The following TRPM3 variants were observed in gnomAD, a reference collection of about 807,000 sequenced individuals.
TRPM3 encodes the protein transient receptor potential cation channel subfamily M member 3, also known as long transient receptor potential channel 3.
TRPM3 carries 77 observed loss-of-function variants against 181.2 expected under a neutral mutation model. That is an observed-to-expected ratio of 0.42 (90% confidence interval 0.35 to 0.51). The LOEUF is 0.51. Among genes scored for constraint, TRPM3 ranks in the 20% least tolerant of loss-of-function variants. The pLI is 0.01. For synonymous variants in TRPM3, 745 were observed against 796.4 expected (o/e 0.94, Z 1.09); for missense variants, 1,759 against 2,196.7 (o/e 0.80, Z 3.98).
intron 25 of TRPM3, among the ~76,000 whole-genome samples, chr9:70,548,742 T>G (rs2045708498): frequency 6.6e-6 from 1 of 152,220 alleles, no homozygotes; most frequent in Non-Finnish European, 1.5e-5. Context: ...GGAATGAAGT[T>G]TCTATTAGTC....
At chr9:71,391,639 C>T (rs773529141) in intron 1 of TRPM3, among the ~76,000 whole-genome samples, 27 of 152,002 alleles carry the variant, frequency 1.8e-4, no homozygotes, top group African/African-American at 5.1e-4. Context: ...AAATCCATTT[C>T]GGGGAGTTTT....
rs1425915377 is a variant in TRPM3, at chr9:70,532,532, C to A, written c.*3421G>T. 1 of 152,182 alleles carries A rather than the reference C, an allele frequency of 6.6e-6. No individual in the cohort carries two copies. Among genetic ancestry groups the A allele is most frequent in the Non-Finnish European group, 1.5e-5 (1 of 68,046 alleles). The allele number at this position is 152,182 out of a possible 1,614,324, so 9.4% of individuals were successfully genotyped here. ...ACTAGTCATGAAAATTGTACCCAAG[C>A]TTTCCAGCTCCTCATTCAAATCTAT... On this transcript the variant is annotated 3_prime_UTR_variant, in exon 26 of 26. Transcript: ENST00000677713.
chr9:71,412,211 C>G (rs1265559656), intron 1 of TRPM3, among the ~76,000 whole-genome samples: 1 of 152,120 alleles, frequency 6.6e-6, no homozygotes, highest in African/African-American at 2.4e-5. Context: ...GACTAAAACA[C>G]CAAAAGCAAT....
At chr9:71,313,165 G>A (rs1010826907) in intron 1 of TRPM3, among the ~76,000 whole-genome samples, 2 of 152,014 alleles carry the variant, frequency 1.3e-5, no homozygotes, top group Non-Finnish European at 2.9e-5. Flanking sequence ...GTGGCATATG[G>A]GACAATGGAA....
At chr9:70,601,191 C>G (rs2059865589) in intron 20 of TRPM3, among the ~76,000 whole-genome samples, 1 of 152,166 alleles carries the variant, frequency 6.6e-6, no homozygotes, top group Admixed American at 6.5e-5. Context: ...TCATCATAGT[C>G]ACGCCATCGA....
rs1441323893 is a variant in TRPM3 at position 71,148,212 on chromosome 9, A to C, written c.184-283701T>G. Among the ~76,000 whole-genome samples, 3 of 152,204 alleles carry C rather than the reference A, an allele frequency of 2.0e-5. No individual in the cohort carries two copies. In the South Asian group the frequency reaches 6.2e-4, roughly 32 times the overall value. ...CTCAAGAAATTTAAAAAATATTCAC[A>C]TAACAAACTTTTAAAATCAGCTAAA... On this transcript the variant is annotated intron_variant, in intron 1 of 24. Transcript: ENST00000357533.
At chr9:71,047,163 G>A (rs969939517) in intron 1 of TRPM3, among the ~76,000 whole-genome samples, 5 of 152,264 alleles carry the variant, frequency 3.3e-5, no homozygotes, top group Middle Eastern at 3.4e-3. Context: ...TTTTCCAGTA[G>A]ATGGAAAAGG....
intron 1 of TRPM3, among the ~76,000 whole-genome samples, chr9:70,881,506 A>T (rs1244153593): frequency 2.0e-5 from 3 of 152,156 alleles, no homozygotes; most frequent in Non-Finnish European, 4.4e-5. Context: ...ATTATGACTT[A>T]ACGCATTGTT....
chr9:70,776,665 A>C (rs17553311), intron 7 of TRPM3, among the ~76,000 whole-genome samples: 33,685 of 152,124 alleles, frequency 0.22, 4,513 homozygotes, highest in Non-Finnish European at 0.3. Context: ...CGTTTGGAAC[A>C]AAGTACAGCT....
intron 1 of TRPM3, among the ~76,000 whole-genome samples, chr9:71,433,225 A>G (rs925846819): frequency 1.3e-5 from 2 of 152,078 alleles, no homozygotes; most frequent in Non-Finnish European, 2.9e-5. Context: ...CCCAAATCCC[A>G]TCTTGAATTG....
intron 1 of TRPM3, among the ~76,000 whole-genome samples, chr9:71,089,292 C>T (rs2065815001): frequency 6.7e-6 from 1 of 150,234 alleles, no homozygotes; most frequent in South Asian, 2.1e-4. Context: ...ACAACTTTTG[C>T]AAAAGTGTTT....
At chr9:70,977,802 A>G (rs1419044679) in intron 1 of TRPM3, among the ~76,000 whole-genome samples, 1 of 152,206 alleles carries the variant, frequency 6.6e-6, no homozygotes, top group Non-Finnish European at 1.5e-5. Context: ...GAACAGCCAG[A>G]TGGAAGTGAT....
intron 18 of TRPM3, 137 bp from the exon 19 acceptor site, chr9:70,610,886 T>A (rs3763619): frequency 1.0e-5 from 10 of 974,118 alleles, no homozygotes; most frequent in Admixed American, 2.6e-5. Context: ...AGGTTGTACC[T>A]TCCCTAAGAG....
At chr9:70,616,455 C>T (rs1398428007) in intron 17 of TRPM3, among the ~76,000 whole-genome samples, 1 of 151,284 alleles carries the variant, frequency 6.6e-6, no homozygotes, top group Non-Finnish European at 1.5e-5. Context: ...TACATTTAGC[C>T]ATTAGACAGC....
intron 1 of TRPM3, among the ~76,000 whole-genome samples, chr9:71,012,021 G>C (rs189810512): frequency 6.6e-6 from 1 of 151,994 alleles, no homozygotes; most frequent in Non-Finnish European, 1.5e-5. Flanking sequence ...GGGCTCAAGC[G>C]ATCTGCCCGC....
chr9:70,869,217 TC>T (rs994872934), intron 1 of TRPM3, among the ~76,000 whole-genome samples: 11 of 151,908 alleles, frequency 7.2e-5, no homozygotes, highest in Non-Finnish European at 1.3e-4. Context: ...TCACTAAGAA[TC>T]CCATGGACAT....
intron 1 of TRPM3, among the ~76,000 whole-genome samples, chr9:71,329,734 T>G (rs73649722): frequency 0.021 from 3,143 of 152,266 alleles, 101 homozygotes; most frequent in African/African-American, 0.072. Flanking sequence ...CCTGCATCCT[T>G]TATCCTGAAG....
At position 70,784,253 on chromosome 9, in the gene TRPM3, C is replaced by A. The variant is rs1429313690; in HGVS notation, c.1000G>T (p.Ala334Ser). The A allele has an allele frequency of 1.2e-6, 2 of 1,611,094 alleles. No homozygotes were observed. Among genetic ancestry groups the A allele is most frequent in the African/African-American group, 2.7e-5 (2 of 74,770 alleles). ...TRIGQGVPVV[A>S]LIVEGGPNVI... The stretch of plus-strand genomic sequence containing the variant: ...TTGGGTCCTCCTTCCACTATGAGTG[C>A]CACCACAGGAACACCTTGACCGATT... Residue 334 changes from alanine to serine, a missense_variant, in exon 7 of 26, where the codon GCA becomes TCA. Ala to Ser is a moderately conservative substitution (Grantham distance 99, BLOSUM62 1). This residue lies in a region of TRPM3 where 737 missense variants were observed against 957.4 expected (regional missense o/e 0.77). Coordinates refer to ENST00000677713, the MANE Select transcript of TRPM3 (RefSeq NM_001366145.2).
At chr9:70,806,631 A>C (rs562742624) in intron 6 of TRPM3, among the ~76,000 whole-genome samples, 5 of 152,202 alleles carry the variant, frequency 3.3e-5, no homozygotes, top group Admixed American at 1.3e-4. Context: ...CGGGGGTTGC[A>C]GTGAGCTGAG....
Sources: allele counts gnomAD v4.1 joint callset (sites outside exome capture counted in the v4.1 genomes callset), GRCh38; gene constraint gnomAD v4.1.1; regional missense constraint gnomAD v4.1.1; transcripts MANE v1.5; gene names NCBI Gene and HGNC (gene_info 2026-07-23, HGNC 2026-07-21).